The following PAH variants were observed in gnomAD, a reference collection of about 807,000 sequenced individuals.
The protein encoded by PAH is phenylalanine hydroxylase.
Under a neutral mutation model 62.0 loss-of-function variants are expected in PAH, and 64 were observed. The observed-to-expected ratio is 1.03, with a 90% CI of 0.84 to 1.27. The LOEUF is 1.27. Ranked by LOEUF, PAH falls within the 50% of genes most tolerant of loss-of-function variation. The pLI is 0.00. For synonymous variants in PAH, 195 were observed against 196.2 expected (o/e 0.99, Z 0.05); for missense variants, 579 against 542.8 (o/e 1.07, Z -0.66).
At chr12:102,884,430 G>A (rs1876945439) in intron 3 of PAH, among the ~76,000 whole-genome samples, 1 of 152,192 alleles carries the variant, frequency 6.6e-6, no homozygotes, top group African/African-American at 2.4e-5. Context: ...TTTACATTGT[G>A]CAAAGGGTGT....
At chr12:102,956,222 G>A (rs898430610) in intron 1 of PAH, among the ~76,000 whole-genome samples, 1 of 152,220 alleles carries the variant, frequency 6.6e-6, no homozygotes, top group Non-Finnish European at 1.5e-5. Context: ...ACTTCGTTCT[G>A]CCTATGTAGA....
At chr12:102,904,281 C>G (rs1016238357) in intron 2 of PAH, among the ~76,000 whole-genome samples, 17 of 152,170 alleles carry the variant, frequency 1.1e-4, no homozygotes, top group African/African-American at 4.1e-4. Flanking sequence ...ATCCTTAACC[C>G]CAATGCCATT....
At chr12:102,951,705 G>A (rs556150234), upstream of PAH, among the ~76,000 whole-genome samples, 38 of 152,188 alleles carry the variant, frequency 2.5e-4, no homozygotes, top group Non-Finnish European at 4.6e-4. Context: ...GGTCACTCAC[G>A]TCCACGGTTC....
intron 1 of PAH, among the ~76,000 whole-genome samples, chr12:102,938,779 G>A (rs1322778652): frequency 5.9e-5 from 9 of 152,154 alleles, no homozygotes; most frequent in African/African-American, 2.4e-5. Flanking sequence ...CCAACATGCT[G>A]TAGTAGATGC....
chr12:102,866,228 C>G (rs1038833475), intron 5 of PAH, among the ~76,000 whole-genome samples: 1 of 152,088 alleles, frequency 6.6e-6, no homozygotes, highest in Admixed American at 6.5e-5. Flanking sequence ...GTAAATGATT[C>G]TCTTTTTCCT....
chr12:102,947,951 T>A (rs866091015), intron 1 of PAH, among the ~76,000 whole-genome samples: 1 of 151,972 alleles, frequency 6.6e-6, no homozygotes, highest in South Asian at 2.1e-4. Context: ...GAGAGTAAGT[T>A]CTCCCTCACT....
chr12:102,924,779 C>T (rs544664916), intron 1 of PAH, among the ~76,000 whole-genome samples: 8 of 152,176 alleles, frequency 5.3e-5, no homozygotes, highest in East Asian at 3.9e-4. Context: ...TCAGCATACA[C>T]CTGGATCTAC....
intron 5 of PAH, among the ~76,000 whole-genome samples, chr12:102,861,426 T>C (rs1875709482): frequency 6.6e-6 from 1 of 152,224 alleles, no homozygotes; most frequent in Non-Finnish European, 1.5e-5. Flanking sequence ...AGTGTGGCAA[T>C]TCCTCAAGGA....
rs1879948489 is a variant in PAH at position 102,957,387 on chromosome 12, G to GCCTGTTTATT, written c.-96+798_-96+807dup. 6.6e-6 allele frequency among the ~76,000 whole-genome samples: 1 copy of GCCTGTTTATT among 152,030 alleles called. No homozygotes were observed. Among genetic ancestry groups the GCCTGTTTATT allele is most frequent in the South Asian group, 2.1e-4 (1 of 4,804 alleles). On this transcript the variant is annotated intron_variant, in intron 1 of 4. Transcript: ENST00000551337. This position sits in a 1 kb window ranked among gnomAD's most constrained non-coding sequence, Gnocchi z 4.1. ...GGCAGCAGCCCGCCCCGAGCGCGCC[G>GCCTGTTTATT]CCTGTTTATTCAGCCGGGAGTCCGG...
rs555520033 is a variant in PAH at position 102,934,613 on chromosome 12, T to C, written c.-96+15976A>G. Among the ~76,000 whole-genome samples the C allele has an allele frequency of 6.5e-4, 99 of 152,230 alleles. 1 individual carries two copies. Among genetic ancestry groups the C allele is most frequent in the South Asian group, 1.2e-3 (6 of 4,830 alleles). ...TTCAATTTCTTTCATCAATGTCTTA[T>C]AGTTTTCATTGTAGAGACCTTTCAC... On this transcript the variant is annotated intron_variant, in intron 1 of 3. Coordinates refer to the PAH transcript ENST00000546844.
chr12:102,890,939 C>T (rs938773927), intron 3 of PAH, among the ~76,000 whole-genome samples: 20 of 151,968 alleles, frequency 1.3e-4, no homozygotes, highest in African/African-American at 3.4e-4. Flanking sequence ...AAAAATTAGC[C>T]GGGCGTGGTG....
At chr12:102,951,099 C>G (rs1211865706), upstream of PAH, among the ~76,000 whole-genome samples, 3 of 152,172 alleles carry the variant, frequency 2.0e-5, no homozygotes, top group Non-Finnish European at 4.4e-5. Context: ...CTCCTATATG[C>G]AAACTGTCAC....
rs113205015 is a variant in PAH, at chr12:102,957,569, C to T, written c.-96+626G>A. On this transcript the variant is annotated intron_variant, in intron 1 of 4. Transcript: ENST00000551337. The surrounding 1 kb of genome is among the most constrained non-coding windows in gnomAD (Gnocchi z 4.1). Reference sequence around the variant, plus strand: ...GTAAGAGGAGGGGGGGGAGTGGGGGCTGCAGCCGCTCGCTGCAGCAGCGGG... The same window carrying T: ...GTAAGAGGAGGGGGGGGAGTGGGGGTTGCAGCCGCTCGCTGCAGCAGCGGG... 4 of 128,644 alleles carry T rather than the reference C, an allele frequency of 3.1e-5. No individual in the cohort carries two copies. The highest frequency in any genetic ancestry group is 2.4e-4 in the East Asian group (1 of 4,192). 8.0% of individuals were successfully genotyped at this position (128,644 alleles called of 1,614,324 possible).
intron 1 of PAH, among the ~76,000 whole-genome samples, chr12:102,930,903 G>A (rs1016074820): frequency 1.6e-4 from 24 of 152,108 alleles, no homozygotes; most frequent in Non-Finnish European, 3.2e-4. Context: ...TGTGTGTGAA[G>A]CAATATGTCT....
Position 102,838,065 on chromosome 12 carries a change from C to A in PAH, c.*1110G>T, listed in dbSNP as rs1006634092. 5.3e-5 allele frequency: 8 copies of A among 152,208 alleles called. No individual in the cohort carries two copies. The highest frequency in any genetic ancestry group is 3.9e-4 in the Admixed American group (6 of 15,282). The allele number at this position is 152,208 out of a possible 1,614,324, so 9.4% of individuals were successfully genotyped here. ...GTAAAGTAGTATGAGAATTTCAAAT[C>A]ATAGCTACAAAGATATTGTTTTTTT... On this transcript the variant is annotated 3_prime_UTR_variant, in exon 13 of 13. Coordinates refer to ENST00000553106, the MANE Select transcript of PAH (RefSeq NM_000277.3).
In PAH at chr12:102,895,867, AAAAT is replaced by A. The variant is rs1239009630; in HGVS notation, c.169-953_169-950del. Among the ~76,000 whole-genome samples, 600 of 126,186 alleles carry A rather than the reference AAAAT, an allele frequency of 4.8e-3. 3 individuals are homozygous for A. The highest frequency in any genetic ancestry group is 0.021 in the African/African-American group (553 of 26,596). 82.8% of individuals were successfully genotyped at this position (126,186 alleles called of 152,430 possible). A position where few individuals can be genotyped will look rare whatever the true frequency, so the allele number is the denominator to read the frequency against. ...GAGACTCTGTCTCAAAAAAAAAAAAAAAATATATATATATATATATATATGTATA... is the reference window on the plus strand; with the variant it reads ...GAGACTCTGTCTCAAAAAAAAAAAAAATATATATATATATATATATGTATA... On this transcript the variant is annotated intron_variant, in intron 2 of 12. Coordinates refer to ENST00000553106, the MANE Select transcript of PAH (RefSeq NM_000277.3).
chr12:102,883,619 C>T (rs1328645104), intron 3 of PAH, among the ~76,000 whole-genome samples: 1 of 152,220 alleles, frequency 6.6e-6, no homozygotes, highest in African/African-American at 2.4e-5. Flanking sequence ...CAGCTCACCA[C>T]ATCCCAGACC....
chr12:102,843,041 C>T (rs991980884), intron 11 of PAH, among the ~76,000 whole-genome samples: 2 of 152,188 alleles, frequency 1.3e-5, no homozygotes, highest in African/African-American at 4.8e-5. Flanking sequence ...GCTGAACTGC[C>T]TCTGGGATTA....
At chr12:102,911,798 G>T (rs1878210542) in intron 2 of PAH, among the ~76,000 whole-genome samples, 1 of 152,170 alleles carries the variant, frequency 6.6e-6, no homozygotes, top group South Asian at 2.1e-4. Context: ...TTTGTTGATT[G>T]CATGCCCAAA....
Sources: allele counts gnomAD v4.1 joint callset (sites outside exome capture counted in the v4.1 genomes callset), GRCh38; gene constraint gnomAD v4.1.1; non-coding constraint Gnocchi (gnomAD v3.1); transcripts MANE v1.5; gene names NCBI Gene and HGNC (gene_info 2026-07-23, HGNC 2026-07-21).